ABHD3: variants seen among roughly 807,000 people sequenced by gnomAD.
ABHD3 encodes abhydrolase domain containing 3, phospholipase, also known as phospholipase ABHD3.
ABHD3 carries 46 observed loss-of-function variants against 48.8 expected under a neutral mutation model. The ratio of observed to expected loss-of-function variants is 0.94; its 90% CI spans 0.74 to 1.20. The LOEUF is 1.20. ABHD3 is among the 50% of genes most tolerant of loss of function. The probability of loss-of-function intolerance (pLI) is 0.00; values close to 1 mark genes in which losing one functional copy is unlikely to be tolerated. For missense variants in ABHD3, 490 were observed against 497.8 expected (o/e 0.98, Z 0.15); for synonymous variants, 192 against 183.7 (o/e 1.04, Z -0.36).
chr18:21,698,143 A>G (rs1267116961), intron 3 of ABHD3, among the ~76,000 whole-genome samples: 1 of 152,108 alleles, frequency 6.6e-6, no homozygotes, highest in African/African-American at 2.4e-5. Flanking sequence ...TCTCTATCCC[A>G]AGAGGTAGAT....
chr18:21,679,889 G>C (rs934047675), intron 4 of ABHD3, among the ~76,000 whole-genome samples: 3 of 151,598 alleles, frequency 2.0e-5, no homozygotes, highest in Non-Finnish European at 4.4e-5. Context: ...GGCCAGGCTG[G>C]TCTTGAACTC....
chr18:21,692,157 C>A (rs140260275), intron 3 of ABHD3, among the ~76,000 whole-genome samples: 1 of 152,252 alleles, frequency 6.6e-6, no homozygotes, highest in African/African-American at 2.4e-5. Flanking sequence ...ACCATGTCGG[C>A]CAGGCTGGTC....
chr18:21,665,412 T>A (rs548751488), intron 4 of ABHD3, among the ~76,000 whole-genome samples: 1 of 152,056 alleles, frequency 6.6e-6, no homozygotes, highest in African/African-American at 2.4e-5. Flanking sequence ...GCAAATTTTT[T>A]ATTTTTTTGT....
rs947825030 is a variant in ABHD3, at chr18:21,704,768, C to T, written c.-103G>A. On this transcript the variant is annotated 5_prime_UTR_variant, in exon 1 of 9. Transcript: ENST00000289119. The stretch of plus-strand genomic sequence containing the variant: ...ACGCGGCGCCGCTGCCTACTCCCGA[C>T]CACAGTGTCTCCTGCCTGGCGGAGC... 1.1e-5 allele frequency: 12 copies of T among 1,068,122 alleles called. No homozygotes were observed. The South Asian group carries it at 1.4e-4, about 12-fold the overall frequency. 66.2% of individuals were successfully genotyped at this position (1,068,122 alleles called of 1,614,324 possible). A position where few individuals can be genotyped will look rare whatever the true frequency, so the allele number is the denominator to read the frequency against.
At position 21,702,385 on chromosome 18, in the gene ABHD3, C is replaced by A; in HGVS notation, c.440G>T (p.Gly147Val). Residue 147 changes from glycine to valine, a missense_variant, in exon 3 of 9, where the codon GGC (glycine) becomes GTC (valine). By Grantham distance (109) the Gly-to-Val change is moderately radical. Transcript: ENST00000289119. ...STRPTILLLP[G>V]LTGTSKESYI... ...TGACTCCTTGCTTGTTCCCGTGAGG[C>A]CAGGCAACAATAAGATAGTAGGTCT... The A allele has an allele frequency of 1.9e-6, 3 of 1,613,932 alleles. No homozygotes were observed. Among genetic ancestry groups the A allele is most frequent in the South Asian group, 2.2e-5 (2 of 91,058 alleles).
chr18:21,670,163 C>T (rs900840940), intron 4 of ABHD3, among the ~76,000 whole-genome samples: 15 of 152,076 alleles, frequency 9.9e-5, no homozygotes, highest in Admixed American at 4.6e-4. Flanking sequence ...GTTAACGCCC[C>T]GGTACTTCTG....
chr18:21,685,705 C>CTT (rs1057356866), intron 3 of ABHD3, among the ~76,000 whole-genome samples: 1 of 148,606 alleles, frequency 6.7e-6, no homozygotes, highest in African/African-American at 2.5e-5. Flanking sequence ...AATTTTTATT[C>CTT]TTTTTTTTTT....
At chr18:21,680,852 ATGTGTGTGTGTGTG>A (rs537497306) in intron 4 of ABHD3, among the ~76,000 whole-genome samples, 4 of 108,484 alleles carry the variant, frequency 3.7e-5, no homozygotes, top group South Asian at 2.9e-4. Flanking sequence ...TCTTTTTCAA[ATGTGTGTGTGTGTG>A]TGTGTGTGTG....
chr18:21,663,714 A>T (rs1269283451), intron 5 of ABHD3: 1 of 1,535,540 alleles, frequency 6.5e-7, no homozygotes, highest in Non-Finnish European at 8.7e-7. Context: ...CTGCAGCTGG[A>T]GAGAGCAATA....
intron 3 of ABHD3, among the ~76,000 whole-genome samples, chr18:21,697,825 A>C (rs1327249700): frequency 6.6e-6 from 1 of 152,192 alleles, no homozygotes; most frequent in Non-Finnish European, 1.5e-5. Flanking sequence ...TTTCAGGTAG[A>C]GGGGAAAAAA....
rs528769576 is a variant in ABHD3 at position 21,673,143 on chromosome 18, C to T, written c.556-8913G>A. Reference sequence around the variant, plus strand: ...TCGTGACTCACCTGGGTCATGGAGGCTATCACATGCAGGACTACTCATCAC... The same window carrying T: ...TCGTGACTCACCTGGGTCATGGAGGTTATCACATGCAGGACTACTCATCAC... On this transcript the variant is annotated intron_variant, in intron 4 of 8. Transcript: ENST00000289119. Among the ~76,000 whole-genome samples the T allele has an allele frequency of 3.3e-4, 50 of 152,188 alleles. 1 individual carries two copies. The highest frequency in any genetic ancestry group is 1.8e-4 in the Non-Finnish European group (12 of 68,028).
At chr18:21,697,946 AC>A (rs1377183362) in intron 3 of ABHD3, among the ~76,000 whole-genome samples, 1 of 152,102 alleles carries the variant, frequency 6.6e-6, no homozygotes, top group African/African-American at 2.4e-5. Flanking sequence ...TAAATCATTG[AC>A]AGTTCCCTGG....
chr18:21,699,918 C>T lies in ABHD3; in HGVS notation c.509+2398G>A, dbSNP rs528584640. ...GTCTCGAACTCCTGACCTTGTGATC[C>T]GCATGCCTCAGCCTGTGGATGAGTG... On this transcript the variant is annotated intron_variant, in intron 3 of 8. Coordinates refer to ENST00000289119, the MANE Select transcript of ABHD3 (RefSeq NM_138340.5). Among the ~76,000 whole-genome samples the T allele has an allele frequency of 2.2e-3, 335 of 150,008 alleles. 2 individuals carry two copies. Among genetic ancestry groups the T allele is most frequent in the African/African-American group, 7.9e-3 (321 of 40,826 alleles).
At position 21,656,960 on chromosome 18, in the gene ABHD3, C is replaced by T. The variant is rs752095443; in HGVS notation, c.958G>A (p.Asp320Asn). The T allele has an allele frequency of 1.2e-6, 2 of 1,614,022 alleles. No homozygotes were observed. The highest frequency in any genetic ancestry group is 1.7e-6 in the Non-Finnish European group (2 of 1,179,970). The change falls in exon 8 of 9, where the codon GAT (aspartate) becomes AAT (asparagine). Residue 320 changes from aspartate (D) to asparagine (N), a missense_variant. Physicochemically the swap from Asp to Asn is conservative, Grantham distance 23. Coordinates refer to ENST00000289119, the MANE Select transcript of ABHD3 (RefSeq NM_138340.5). ...CTCGGACTGGCATCAGTATAATAAT[C>T]ATCAATTGTTTGGTATCCAAACATG... is the stretch of plus-strand genomic sequence containing the variant. ...SVMFGYQTID[D>N]YYTDASPSPR... is the part of the protein sequence containing the mutation.
chr18:21,664,523 C>A, intron 4 of ABHD3: 1 of 242,618 alleles, frequency 4.1e-6, no homozygotes, highest in Non-Finnish European at 7.8e-6. Context: ...AAGTACCATA[C>A]TCAAACGTGT....
At chr18:21,694,334 C>T (rs528428420) in intron 3 of ABHD3, among the ~76,000 whole-genome samples, 2 of 152,148 alleles carry the variant, frequency 1.3e-5, no homozygotes, top group African/African-American at 4.8e-5. Context: ...TGACGTCAAG[C>T]GATCCGCCGG....
intron 4 of ABHD3, among the ~76,000 whole-genome samples, chr18:21,680,507 C>G (rs1467554429): frequency 6.6e-6 from 1 of 152,084 alleles, no homozygotes; most frequent in African/African-American, 2.4e-5. Flanking sequence ...CTACATAAAC[C>G]CAAGCTGCCT....
chr18:21,687,533 A>C (rs1371514607), intron 3 of ABHD3, among the ~76,000 whole-genome samples: 2 of 152,200 alleles, frequency 1.3e-5, no homozygotes, highest in Non-Finnish European at 2.9e-5. Flanking sequence ...CTTCTGTAAC[A>C]GTTCTCTCCA....
At chr18:21,660,976 CAGGTGGA>C in intron 5 of ABHD3, among the ~76,000 whole-genome samples, 1 of 151,936 alleles carries the variant, frequency 6.6e-6, no homozygotes, top group South Asian at 2.1e-4. Flanking sequence ...TATGACCAAG[CAGGTGGA>C]ATACGTCTTG....
Sources: gnomAD v4.1 joint callset for allele counts (sites outside exome capture counted in the v4.1 genomes callset) on GRCh38, gnomAD v4.1.1 for gene constraint, MANE v1.5 for transcripts, NCBI Gene and HGNC (gene_info 2026-07-23, HGNC 2026-07-21) for gene names.